The following FAM219A variants were observed in gnomAD, a reference collection of about 807,000 sequenced individuals.
FAM219A encodes protein FAM219A.
Under a neutral mutation model 23.4 loss-of-function variants are expected in FAM219A, and 7 were observed. The observed-to-expected ratio is 0.30, with a 90% CI of 0.17 to 0.56. FAM219A has a LOEUF of 0.56. Among genes scored for constraint, FAM219A ranks in the 20% least tolerant of loss-of-function variants. The probability of loss-of-function intolerance (pLI) is 0.92; values close to 1 mark genes in which losing one functional copy is unlikely to be tolerated. For missense variants in FAM219A, 166 were observed against 246.9 expected (o/e 0.67, Z 2.20); for synonymous variants, 93 against 99.0 (o/e 0.94, Z 0.36).
intron 1 of FAM219A, among the ~76,000 whole-genome samples, chr9:34,415,994 T>G (rs962508069): frequency 2.0e-5 from 3 of 151,772 alleles, no homozygotes; most frequent in Non-Finnish European, 4.4e-5. Context: ...CTAGGCAAGA[T>G]AGCAAGAAGG....
chr9:34,442,017 A>G (rs141249899), intron 1 of FAM219A, among the ~76,000 whole-genome samples: 14 of 152,316 alleles, frequency 9.2e-5, no homozygotes, highest in Non-Finnish European at 1.6e-4. Context: ...ATGCCTAGCC[A>G]ACTTTTATAG....
At chr9:34,449,302 C>CA (rs1823482093) in intron 1 of FAM219A, among the ~76,000 whole-genome samples, 1 of 151,828 alleles carries the variant, frequency 6.6e-6, no homozygotes, top group African/African-American at 2.4e-5. Context: ...AACTGTGTCT[C>CA]AAAAAACAGT....
intron 4 of FAM219A, 171 bp downstream of exon 4, chr9:34,402,216 C>A: frequency 1.3e-6 from 2 of 1,573,228 alleles, no homozygotes; most frequent in Non-Finnish European, 1.7e-6. Flanking sequence ...TCTCTTCAAC[C>A]CCCAGTCCCT....
chr9:34,418,554 C>G (rs76731244), intron 1 of FAM219A, among the ~76,000 whole-genome samples: 1 of 152,340 alleles, frequency 6.6e-6, no homozygotes, highest in East Asian at 1.9e-4. Context: ...GCTTGGCCTA[C>G]TCCTGGCCCT....
At chr9:34,445,225 C>T (rs1350971836) in intron 1 of FAM219A, among the ~76,000 whole-genome samples, 2 of 152,144 alleles carry the variant, frequency 1.3e-5, no homozygotes, top group African/African-American at 2.4e-5. Context: ...TTCTGTAGTT[C>T]TGTTTCATAA....
intron 1 of FAM219A, among the ~76,000 whole-genome samples, chr9:34,432,509 T>G (rs749771489): frequency 6.6e-6 from 1 of 152,236 alleles, no homozygotes; most frequent in Non-Finnish European, 1.5e-5. Flanking sequence ...CTATCTGTTT[T>G]GACTGCCCTT....
At chr9:34,441,815 G>C (rs1016800523) in intron 1 of FAM219A, among the ~76,000 whole-genome samples, 1 of 151,924 alleles carries the variant, frequency 6.6e-6, no homozygotes, top group East Asian at 1.9e-4. Flanking sequence ...CTGCAGCCTC[G>C]ACCTCCTGGG....
Position 34,453,667 on chromosome 9 carries a change from C to T in FAM219A, c.60+4537G>A, listed in dbSNP as rs1022027476. Among the ~76,000 whole-genome samples the T allele has an allele frequency of 2.6e-5, 4 of 152,184 alleles. No individual in the cohort carries two copies. The South Asian group carries it at 8.3e-4, about 32-fold the overall frequency. ...AGTGACGCTACAGTAACATTTCTTT[C>T]AGCTGTGCAGAGACCCTATCTGGTG... On this transcript the variant is annotated intron_variant, in intron 1 of 5. Coordinates refer to ENST00000651358, the MANE Select transcript of FAM219A (RefSeq NM_001184940.2).
intron 1 of FAM219A, among the ~76,000 whole-genome samples, chr9:34,440,139 G>T (rs1415079981): frequency 6.6e-6 from 1 of 152,196 alleles, no homozygotes; most frequent in Admixed American, 6.5e-5. Context: ...CCTGTACTGG[G>T]TGGTCAGCTG....
At chr9:34,407,389 ATG>A (rs2131934775) in intron 1 of FAM219A, among the ~76,000 whole-genome samples, 1 of 152,342 alleles carries the variant, frequency 6.6e-6, no homozygotes, top group East Asian at 1.9e-4. Flanking sequence ...ATGTTTAAAA[ATG>A]TTTTATTATG....
chr9:34,420,592 G>A (rs944390776), intron 1 of FAM219A, among the ~76,000 whole-genome samples: 5 of 152,160 alleles, frequency 3.3e-5, no homozygotes, highest in Admixed American at 1.3e-4. Context: ...TAACCCAAAG[G>A]AAGGGTCAAG....
In FAM219A at chr9:34,458,294, G is replaced by A; in HGVS notation, c.-31C>T. ...CGGCGGGCGAGCGGGCCAGGGGCCG[G>A]GCGCGGCCGCGGACGCCGACAGGAC... On this transcript the variant is annotated 5_prime_UTR_variant, in exon 1 of 6. Transcript: ENST00000651358. The surrounding 1 kb of genome is among the most constrained non-coding windows in gnomAD (Gnocchi z 6.6). 2 of 1,373,370 alleles carry A rather than the reference G, an allele frequency of 1.5e-6. No individual in the cohort carries two copies. Among genetic ancestry groups the A allele is most frequent in the Non-Finnish European group, 1.9e-6 (2 of 1,063,704 alleles). The allele number at this position is 1,373,370 out of a possible 1,614,324, so 85.1% of individuals were successfully genotyped here.
chr9:34,412,570 T>C (rs1026675471), intron 1 of FAM219A, among the ~76,000 whole-genome samples: 55 of 141,684 alleles, frequency 3.9e-4, no homozygotes, highest in African/African-American at 1.2e-3. Flanking sequence ...TAAGTCACAG[T>C]GAAGAATAAA....
intron 1 of FAM219A, among the ~76,000 whole-genome samples, chr9:34,445,931 T>C (rs1040452195): frequency 1.3e-5 from 2 of 152,132 alleles, no homozygotes; most frequent in Non-Finnish European, 2.9e-5. Flanking sequence ...TCCCAGCACT[T>C]TGGGAGTCCG....
intron 1 of FAM219A, among the ~76,000 whole-genome samples, chr9:34,432,954 T>A (rs1822769090): frequency 1.3e-5 from 2 of 152,178 alleles, no homozygotes; most frequent in African/African-American, 4.8e-5. Flanking sequence ...TGCCTCAACC[T>A]CCTGAATTGC....
chr9:34,453,848 A>G (rs551338542), intron 1 of FAM219A, among the ~76,000 whole-genome samples: 4 of 152,348 alleles, frequency 2.6e-5, no homozygotes, highest in African/African-American at 9.6e-5. Context: ...GTGCGGCTGC[A>G]CCAACAAGCT....
intron 1 of FAM219A, among the ~76,000 whole-genome samples, chr9:34,412,798 A>G (rs1189140450): frequency 1.3e-5 from 2 of 152,218 alleles, no homozygotes; most frequent in Non-Finnish European, 2.9e-5. Context: ...TTTAGAAATA[A>G]GAAAGTCATA....
At chr9:34,415,600 G>A (rs1742387372) in intron 1 of FAM219A, among the ~76,000 whole-genome samples, 1 of 152,168 alleles carries the variant, frequency 6.6e-6, no homozygotes, top group Admixed American at 6.5e-5. Context: ...GTATACTACA[G>A]CAGCAAAACT....
intron 1 of FAM219A, among the ~76,000 whole-genome samples, chr9:34,448,842 C>T (rs1318001886): frequency 6.6e-6 from 1 of 152,006 alleles, no homozygotes; most frequent in Non-Finnish European, 1.5e-5. Flanking sequence ...TGGGGACTCA[C>T]AGGGGAAGGG....
Sources: allele counts gnomAD v4.1 joint callset (sites outside exome capture counted in the v4.1 genomes callset), GRCh38; gene constraint gnomAD v4.1.1; non-coding constraint Gnocchi (gnomAD v3.1); transcripts MANE v1.5; gene names NCBI Gene and HGNC (gene_info 2026-07-23, HGNC 2026-07-21).